L2HGDH: variants seen among roughly 807,000 people sequenced by gnomAD.
L2HGDH encodes the protein L-2-hydroxyglutarate dehydrogenase, mitochondrial.
In L2HGDH, 34 loss-of-function variants were observed where a neutral mutation model predicts 51.5. The ratio of observed to expected loss-of-function variants is 0.66; its 90% CI spans 0.50 to 0.88. The LOEUF (loss-of-function observed/expected upper bound fraction) is 0.88, where lower values mean the gene tolerates loss of function less well. Ranked by LOEUF, L2HGDH falls within the 40% of genes least tolerant of loss-of-function variation. L2HGDH has a pLI of 0.00. For missense variants in L2HGDH, 558 were observed against 571.9 expected, an observed-to-expected ratio of 0.98 and a Z score of 0.25; for synonymous variants, 198 against 197.9, an observed-to-expected ratio of 1.00 and a Z score of -0.01.
At chr14:50,249,572 T>A (rs915286794) in intron 9 of L2HGDH, among the ~76,000 whole-genome samples, 4 of 152,082 alleles carry the variant, frequency 2.6e-5, no homozygotes, top group Non-Finnish European at 5.9e-5. Flanking sequence ...ACCTACTGCC[T>A]TGGAGGGAAA....
intron 9 of L2HGDH, among the ~76,000 whole-genome samples, chr14:50,262,930 C>T (rs921516720): frequency 1.1e-4 from 17 of 152,168 alleles, no homozygotes; most frequent in African/African-American, 4.1e-4. Context: ...CCAAATGCAC[C>T]TGCCTGCAGT....
chr14:50,311,679 G>C (rs899712150), intron 1 of L2HGDH, among the ~76,000 whole-genome samples: 2 of 152,160 alleles, frequency 1.3e-5, no homozygotes, highest in African/African-American at 4.8e-5. Context: ...TCCTTCAAAT[G>C]ACCACCTACA....
chr14:50,245,432 T>C lies in L2HGDH; in HGVS notation c.*1626A>G, dbSNP rs78221582. On this transcript the variant is annotated 3_prime_UTR_variant, in exon 10 of 10. Transcript: ENST00000267436. ...TACCACTGTTTAGATTTCATGATGA[T>C]ACCATACCACATCAGTTACAAAGAG... 649 of 985,104 alleles carry C rather than the reference T, an allele frequency of 6.6e-4. 2 individuals are homozygous for C. In the African/African-American group the frequency reaches 0.01, roughly 16 times the overall value. The allele number at this position is 985,104 out of a possible 1,614,324, so 61.0% of individuals were successfully genotyped here.
intron 5 of L2HGDH, among the ~76,000 whole-genome samples, chr14:50,280,104 T>C (rs764481495): frequency 7.3e-5 from 11 of 151,342 alleles, no homozygotes; most frequent in Non-Finnish European, 1.2e-4. Flanking sequence ...AAAAGAGTTC[T>C]TTTGAAATTA....
intron 9 of L2HGDH, among the ~76,000 whole-genome samples, chr14:50,253,339 A>T (rs1044628048): frequency 1.3e-5 from 2 of 152,118 alleles, no homozygotes; most frequent in African/African-American, 4.8e-5. Flanking sequence ...TCTATAGGAA[A>T]AAAATTTAAT....
chr14:50,247,545 G>A (rs1888078293), intron 9 of L2HGDH, among the ~76,000 whole-genome samples: 1 of 152,090 alleles, frequency 6.6e-6, no homozygotes, highest in African/African-American at 2.4e-5. Context: ...AAGGTAGTAG[G>A]TAAATCCACA....
intron 4 of L2HGDH, among the ~76,000 whole-genome samples, chr14:50,284,663 A>C (rs547533510): frequency 1.3e-5 from 2 of 152,348 alleles, no homozygotes; most frequent in African/African-American, 2.4e-5. Context: ...CACACTAAGT[A>C]CTGACTACAT....
intron 9 of L2HGDH, among the ~76,000 whole-genome samples, chr14:50,256,177 A>G (rs113855459): frequency 3.3e-5 from 5 of 152,242 alleles, no homozygotes; most frequent in African/African-American, 1.2e-4. Flanking sequence ...TCCAAATACA[A>G]TGAGACAATC....
intron 8 of L2HGDH, among the ~76,000 whole-genome samples, chr14:50,266,285 G>A (rs1482823690): frequency 6.6e-6 from 1 of 152,112 alleles, no homozygotes; most frequent in Admixed American, 6.5e-5. Context: ...ACACCTAAAA[G>A]GCAGGGTATG....
At chr14:50,271,520 C>T (rs1394755593) in intron 6 of L2HGDH, among the ~76,000 whole-genome samples, 1 of 152,096 alleles carries the variant, frequency 6.6e-6, no homozygotes. Context: ...ATTTAGGTAA[C>T]CATCAAATGA....
intron 9 of L2HGDH, among the ~76,000 whole-genome samples, chr14:50,247,948 C>A (rs1238129076): frequency 2.0e-5 from 3 of 151,732 alleles, no homozygotes; most frequent in Admixed American, 6.6e-5. Context: ...GTGTACACAA[C>A]CTCGCCTGGC....
intron 4 of L2HGDH, among the ~76,000 whole-genome samples, chr14:50,292,043 A>T (rs184886570): frequency 6.6e-6 from 1 of 152,348 alleles, no homozygotes; most frequent in African/African-American, 2.4e-5. Context: ...TTTAAATAAC[A>T]ATACTATTAA....
rs115098976 is a variant in L2HGDH at position 50,310,522 on chromosome 14, C to T, written c.140+1489G>A. On this transcript the variant is annotated intron_variant, in intron 1 of 9. Coordinates refer to ENST00000267436, the MANE Select transcript of L2HGDH (RefSeq NM_024884.3). ...AGGGGTTCGAGACCACCCTGGGCAA[C>T]GTCTCTACAAAAAAATAGGAAAATA... Among the ~76,000 whole-genome samples, 587 of 152,038 alleles carry T rather than the reference C, an allele frequency of 3.9e-3. 7 individuals are homozygous for T. The highest frequency in any genetic ancestry group is 0.013 in the African/African-American group (554 of 41,498).
At chr14:50,304,090 T>C (rs76932700) in intron 1 of L2HGDH, among the ~76,000 whole-genome samples, 1 of 152,228 alleles carries the variant, frequency 6.6e-6, no homozygotes, top group African/African-American at 2.4e-5. Flanking sequence ...CTAGGCTATA[T>C]GGGATAGCTT....
Position 50,245,904 on chromosome 14 carries a change from C to T in L2HGDH, c.*1154G>A. 1.4e-6 allele frequency: 1 copy of T among 727,654 alleles called. No individual in the cohort carries two copies. The highest frequency in any genetic ancestry group is 1.7e-6 in the Non-Finnish European group (1 of 594,538). The allele number at this position is 727,654 out of a possible 1,614,324, so 45.1% of individuals were successfully genotyped here. On this transcript the variant is annotated 3_prime_UTR_variant, in exon 10 of 10. Transcript: ENST00000267436. ...TGGGAGGCTGAGGCAGGTGGATCAC[C>T]TGAGGTCAGGAATTCGAGACCAGCC... is the stretch of plus-strand genomic sequence containing the variant.
At chr14:50,257,141 C>T (rs144289996) in intron 9 of L2HGDH, among the ~76,000 whole-genome samples, 339 of 152,228 alleles carry the variant, frequency 2.2e-3, no homozygotes, top group Non-Finnish European at 3.9e-3. Flanking sequence ...GTTGGCTAGG[C>T]TGATCTTAAA....
Position 50,303,027 on chromosome 14 carries a change from A to G in L2HGDH, c.141-10T>C, listed in dbSNP as rs1228437443. On this transcript the variant is annotated splice_polypyrimidine_tract_variant and intron_variant, in intron 1 of 9. Transcript: ENST00000267436. ...GACTATATCAAATGAGCTTCAAAAG[A>G]AAGTCATCTTTAAAGTAATTCATAT... 6.5e-7 allele frequency: 1 copy of G among 1,546,946 alleles called. No homozygotes were observed. Among genetic ancestry groups the G allele is most frequent in the Non-Finnish European group, 8.9e-7 (1 of 1,118,902 alleles).
rs1164311476 is a variant in L2HGDH at position 50,312,117 on chromosome 14, A to G, written c.34T>C (p.Cys12Arg). 2 of 1,609,630 alleles carry G rather than the reference A, an allele frequency of 1.2e-6. No individual in the cohort carries two copies. Among genetic ancestry groups the G allele is most frequent in the Non-Finnish European group, 1.7e-6 (2 of 1,178,702 alleles). The change falls in exon 1 of 10, where the codon TGC (cysteine) becomes CGC (arginine). Residue 12 changes from cysteine to arginine, a missense_variant. This residue lies in a region of L2HGDH where 194 missense variants were observed against 187.2 expected (regional missense o/e 1.04). Transcript: ENST00000267436. ...GCGAAAAGCCCGCGGGCCCGTCCGC[A>G]GGCACCAACCAAATAACGCAGCGCT... ...VPALRYLVGA[C>R]GRARGLFAGG... is the part of the protein sequence containing the mutation.
intron 9 of L2HGDH, among the ~76,000 whole-genome samples, chr14:50,264,976 A>T (rs892106903): frequency 6.6e-6 from 1 of 152,224 alleles, no homozygotes; most frequent in Non-Finnish European, 1.5e-5. Context: ...TACAAAATTA[A>T]GGCCAAAAGG....
Sources: allele counts gnomAD v4.1 joint callset (sites outside exome capture counted in the v4.1 genomes callset), GRCh38; gene constraint gnomAD v4.1.1; regional missense constraint gnomAD v4.1.1; transcripts MANE v1.5; gene names NCBI Gene and HGNC (gene_info 2026-07-23, HGNC 2026-07-21).